Variants in CDC73 observed in about 807,000 individuals in gnomAD.
CDC73 encodes the protein cell division cycle 73, also known as parafibromin.
A neutral mutation model predicts 83.7 loss-of-function variants in CDC73; 21 were observed. That is an observed-to-expected ratio of 0.25 (90% CI 0.18 to 0.36). The LOEUF is 0.36. CDC73 is among the 10% of genes least tolerant of loss of function. CDC73 has a pLI of 1.00. For synonymous variants in CDC73, 224 were observed against 212.9 expected, an observed-to-expected ratio of 1.05 and a Z score of -0.45; for missense variants, 342 against 653.3, an observed-to-expected ratio of 0.52 and a Z score of 5.19.
rs1675546154 is a variant in CDC73 at position 193,125,323 on chromosome 1, A to G, written c.237+106A>G. On this transcript the variant is annotated intron_variant, in intron 2 of 16. Transcript: ENST00000367435. ...GCCCGGGCTAGGGTGCAGTGGTGTG[A>G]TCATAGCTCATTGCAGCCTCGAACT... 15 of 734,564 alleles carry G rather than the reference A, an allele frequency of 2.0e-5. No individual in the cohort carries two copies. In the South Asian group the frequency reaches 2.2e-4, roughly 11 times the overall value. The allele number at this position is 734,564 out of a possible 1,614,324, so 45.5% of individuals were successfully genotyped here. A position where few individuals can be genotyped will look rare whatever the true frequency, so the allele number is the denominator to read the frequency against.
At chr1:193,241,177 C>T (rs1209010119) in intron 15 of CDC73, among the ~76,000 whole-genome samples, 1 of 152,134 alleles carries the variant, frequency 6.6e-6, no homozygotes, top group East Asian at 1.9e-4. Flanking sequence ...TAGGGGAGGA[C>T]TTTTCCCCGA....
chr1:193,224,193 C>A (rs991171853), intron 13 of CDC73, among the ~76,000 whole-genome samples: 1 of 152,036 alleles, frequency 6.6e-6, no homozygotes, highest in Non-Finnish European at 1.5e-5. Flanking sequence ...CTACTCACTT[C>A]ATGAGATTTA....
At chr1:193,176,122 T>C (rs1017270580) in intron 10 of CDC73, among the ~76,000 whole-genome samples, 1 of 152,222 alleles carries the variant, frequency 6.6e-6, no homozygotes, top group African/African-American at 2.4e-5. Flanking sequence ...GCTAGTTTTC[T>C]TTGTTCATTA....
intron 10 of CDC73, chr1:193,180,346 G>A (rs1437838029): frequency 6.2e-7 from 1 of 1,605,090 alleles, no homozygotes; most frequent in Non-Finnish European, 8.5e-7. Context: ...TGCTGCGTTG[G>A]CACAGGCATT....
intron 10 of CDC73, among the ~76,000 whole-genome samples, chr1:193,173,514 A>G (rs1224302731): frequency 6.6e-6 from 1 of 152,206 alleles, no homozygotes; most frequent in Non-Finnish European, 1.5e-5. Context: ...TATTGATGTA[A>G]TCCTAACACA....
chr1:193,158,138 A>T (rs1347579775), intron 10 of CDC73, among the ~76,000 whole-genome samples: 1 of 151,688 alleles, frequency 6.6e-6, no homozygotes. Context: ...ATTTTCATTC[A>T]AAGTTATAAA....
At chr1:193,166,906 A>G (rs535859891) in intron 10 of CDC73, among the ~76,000 whole-genome samples, 1 of 152,290 alleles carries the variant, frequency 6.6e-6, no homozygotes, top group African/African-American at 2.4e-5. Context: ...AATAATGTGC[A>G]ATACTGATTT....
chr1:193,147,853 C>T lies in CDC73; in HGVS notation c.730-14C>T, dbSNP rs183077646. 2.8e-6 allele frequency: 4 copies of T among 1,418,258 alleles called. No individual in the cohort carries two copies. Among genetic ancestry groups the T allele is most frequent in the Non-Finnish European group, 4.0e-6 (4 of 1,009,894 alleles). The allele number at this position is 1,418,258 out of a possible 1,614,324, so 87.9% of individuals were successfully genotyped here. A position where few individuals can be genotyped will look rare whatever the true frequency, so the allele number is the denominator to read the frequency against. On this transcript the variant is annotated splice_polypyrimidine_tract_variant and intron_variant, in intron 7 of 16. Coordinates refer to ENST00000367435, the MANE Select transcript of CDC73 (RefSeq NM_024529.5). ...ATTTAAAGTGGGCTTAATTAAAATC[C>T]ATTTATATTTTAGAATTTTTCCAAG...
chr1:193,152,505 T>C, intron 10 of CDC73, 61 bp downstream of exon 10: 1 of 1,043,120 alleles, frequency 9.6e-7, no homozygotes, highest in Non-Finnish European at 1.5e-6. Context: ...GTAGCACATG[T>C]TGAAGTAAAT....
At chr1:193,211,170 G>T (rs78440714) in intron 11 of CDC73, among the ~76,000 whole-genome samples, 1,896 of 152,160 alleles carry the variant, frequency 0.012, 40 homozygotes, top group African/African-American at 0.043. Context: ...ACCCCCCAGC[G>T]GATACCTGAA....
chr1:193,232,178 T>C (rs1397244239), intron 13 of CDC73, among the ~76,000 whole-genome samples: 1 of 152,070 alleles, frequency 6.6e-6, no homozygotes, highest in East Asian at 1.9e-4. Context: ...TACTTTAAAA[T>C]TTTCAAGGCT....
At chr1:193,178,538 A>C (rs1257350823) in intron 10 of CDC73, among the ~76,000 whole-genome samples, 1 of 152,214 alleles carries the variant, frequency 6.6e-6, no homozygotes, top group African/African-American at 2.4e-5. Context: ...CTTTTGAAGC[A>C]TAAATCAGCA....
At chr1:193,247,402 T>C (rs1677972176) in intron 15 of CDC73, among the ~76,000 whole-genome samples, 1 of 151,832 alleles carries the variant, frequency 6.6e-6, no homozygotes, top group South Asian at 2.1e-4. Flanking sequence ...CTCTCTCTCT[T>C]CAGGCCTCTC....
At chr1:193,225,346 C>T (rs773329507) in intron 13 of CDC73, among the ~76,000 whole-genome samples, 24 of 151,372 alleles carry the variant, frequency 1.6e-4, no homozygotes, top group Non-Finnish European at 2.8e-4. Flanking sequence ...TTTGCAATTG[C>T]GAATTGTGCT....
At chr1:193,213,387 T>C (rs1677309856) in intron 13 of CDC73, among the ~76,000 whole-genome samples, 1 of 151,662 alleles carries the variant, frequency 6.6e-6, no homozygotes, top group Admixed American at 6.6e-5. Context: ...TTTTTAGTCA[T>C]ACTCATTGTT....
At chr1:193,191,684 G>A (rs10801188) in intron 10 of CDC73, among the ~76,000 whole-genome samples, 94,873 of 152,016 alleles carry the variant, frequency 0.62, 30,053 homozygotes, top group South Asian at 0.77. Context: ...ACCACACCTG[G>A]CCTCTATCAT....
Position 193,138,183 on chromosome 1 carries a change from C to G in CDC73, c.512+10C>G, listed in dbSNP as rs147939077. 4 of 1,557,646 alleles carry G rather than the reference C, an allele frequency of 2.6e-6. No individual in the cohort carries two copies. The highest frequency in any genetic ancestry group is 2.7e-5 in the African/African-American group (2 of 73,876). ...AGACTGAACAGATTAGGTAAGAATTCTTTTTAAGTAGAAAGTAGGTAGTTT... is the reference window on the plus strand; with the variant it reads ...AGACTGAACAGATTAGGTAAGAATTGTTTTTAAGTAGAAAGTAGGTAGTTT... On this transcript the variant is annotated intron_variant, in intron 6 of 16. Transcript: ENST00000367435.
chr1:193,195,176 A>C (rs921881312), intron 10 of CDC73, among the ~76,000 whole-genome samples: 5 of 152,222 alleles, frequency 3.3e-5, no homozygotes, highest in Middle Eastern at 3.4e-3. Context: ...GCCTACTCAC[A>C]TTAGGAATGG....
intron 7 of CDC73, among the ~76,000 whole-genome samples, chr1:193,145,943 G>A (rs995780970): frequency 2.0e-5 from 3 of 152,214 alleles, no homozygotes; most frequent in Admixed American, 1.3e-4. Flanking sequence ...TTAAATAAGC[G>A]GTAATTATTA....
Sources: allele counts gnomAD v4.1 joint callset (sites outside exome capture counted in the v4.1 genomes callset), GRCh38; gene constraint gnomAD v4.1.1; transcripts MANE v1.5; gene names NCBI Gene and HGNC (gene_info 2026-07-23, HGNC 2026-07-21).